Variants in KATNA1 observed in about 807,000 individuals in gnomAD.
KATNA1 encodes katanin catalytic subunit A1, also known as katanin p60 ATPase-containing subunit A1.
A neutral mutation model predicts 62.6 loss-of-function variants in KATNA1; 42 were observed. The observed-to-expected ratio is 0.67, with a 90% CI of 0.52 to 0.87. The LOEUF is 0.87. Ranked by LOEUF, KATNA1 falls within the 40% of genes least tolerant of loss-of-function variation. The pLI is 0.00. For synonymous variants in KATNA1, 186 were observed against 201.9 expected (o/e 0.92, Z 0.67); for missense variants, 498 against 612.5 (o/e 0.81, Z 1.97).
intron 9 of KATNA1, 53 bp from the exon 10 acceptor site, chr6:149,597,242 A>C: frequency 1.9e-6 from 3 of 1,559,132 alleles, no homozygotes; most frequent in Non-Finnish European, 2.6e-6. Flanking sequence ...AACATAGTAT[A>C]CTATTGTCTC....
At chr6:149,599,781 G>A (rs906655736) in intron 7 of KATNA1, among the ~76,000 whole-genome samples, 2 of 152,062 alleles carry the variant, frequency 1.3e-5, no homozygotes, top group Admixed American at 6.6e-5. Flanking sequence ...ACCTCCCAAA[G>A]TGCGGGGATT....
chr6:149,636,142 GT>G (rs1780058269), intron 2 of KATNA1, among the ~76,000 whole-genome samples: 1 of 151,968 alleles, frequency 6.6e-6, no homozygotes, highest in African/African-American at 2.4e-5. Context: ...AGATGATAAT[GT>G]TTTGCTTTAT....
chr6:149,601,872 GACAA>G (rs1778557873), intron 6 of KATNA1, 120 bp from the exon 7 acceptor site: 1 of 611,236 alleles, frequency 1.6e-6, no homozygotes, highest in African/African-American at 1.9e-5. Flanking sequence ...ACAAATAAAA[GACAA>G]ACAGATAAAC....
chr6:149,647,831 T>C (rs755756970), intron 1 of KATNA1, among the ~76,000 whole-genome samples: 44 of 152,210 alleles, frequency 2.9e-4, no homozygotes, highest in Non-Finnish European at 5.6e-4. Flanking sequence ...CCTTCGCGGT[T>C]TTAACAGGAA....
At chr6:149,641,939 G>C (rs1780307210) in intron 1 of KATNA1, among the ~76,000 whole-genome samples, 1 of 152,162 alleles carries the variant, frequency 6.6e-6, no homozygotes, top group African/African-American at 2.4e-5. Flanking sequence ...GTCTCACTCT[G>C]TTGCCCAGGC....
At chr6:149,627,163 C>T (rs775186335) in intron 3 of KATNA1, among the ~76,000 whole-genome samples, 9 of 151,126 alleles carry the variant, frequency 6.0e-5, no homozygotes, top group Non-Finnish European at 7.4e-5. Flanking sequence ...GAGGCTGAGG[C>T]AGGTGGATCA....
At chr6:149,604,806 C>A (rs780850799) in intron 4 of KATNA1, 24 bp from the exon 5 acceptor site, 1 of 1,602,380 alleles carries the variant, frequency 6.2e-7, no homozygotes, top group South Asian at 1.1e-5. Context: ...AAAAAACAAG[C>A]GCTTTTGATT....
At chr6:149,632,564 T>C (rs1779891143) in intron 3 of KATNA1, among the ~76,000 whole-genome samples, 195 bp downstream of exon 3, 1 of 152,188 alleles carries the variant, frequency 6.6e-6, no homozygotes, top group Admixed American at 6.6e-5. Context: ...TTTAAATTAT[T>C]CCTACCTAAA....
Position 149,604,649 on chromosome 6 carries a change from G to T in KATNA1, c.623+12C>A. ...CACCAGCACCCAATTATTTGGTTGT[G>T]ATATAACTTACCATCGAACATTGGG... On this transcript the variant is annotated intron_variant, in intron 5 of 10. Transcript: ENST00000367411. The T allele has an allele frequency of 6.2e-7, 1 of 1,613,352 alleles. No homozygotes were observed. Among genetic ancestry groups the T allele is most frequent in the Non-Finnish European group, 8.5e-7 (1 of 1,179,396 alleles).
chr6:149,601,848 T>C (rs775145590), intron 6 of KATNA1, 96 bp from the exon 7 acceptor site: 3 of 835,654 alleles, frequency 3.6e-6, no homozygotes, highest in Non-Finnish European at 3.4e-6. Flanking sequence ...GACCAACTTA[T>C]ATATAATATC....
chr6:149,640,365 G>A (rs1780231718), intron 1 of KATNA1, among the ~76,000 whole-genome samples: 1 of 151,968 alleles, frequency 6.6e-6, no homozygotes, highest in Non-Finnish European at 1.5e-5. Context: ...GCTGAGGTGG[G>A]AGGATTACCT....
At chr6:149,631,283 C>T (rs1431852550) in intron 3 of KATNA1, among the ~76,000 whole-genome samples, 1 of 152,018 alleles carries the variant, frequency 6.6e-6, no homozygotes, top group Non-Finnish European at 1.5e-5. Flanking sequence ...CCTGTAATTC[C>T]AGCTACTTGG....
chr6:149,624,191 G>C (rs983935742), intron 3 of KATNA1, among the ~76,000 whole-genome samples: 3 of 152,116 alleles, frequency 2.0e-5, no homozygotes. Flanking sequence ...CATGACCTTT[G>C]AGTGTCATGT....
In KATNA1 at chr6:149,605,156, G is replaced by C. The variant is rs371250043; in HGVS notation, c.502-374C>G. Among the ~76,000 whole-genome samples, 31 of 149,914 alleles carry C rather than the reference G, an allele frequency of 2.1e-4. No individual in the cohort carries two copies. In the East Asian group the frequency reaches 6.1e-3, roughly 30 times the overall value. ...CTACTGCACTCCAGCCTGGGTGACA[G>C]ACCGAGACACCAACTCAAAAAAAAA... On this transcript the variant is annotated intron_variant, in intron 4 of 10. Coordinates refer to ENST00000367411, the MANE Select transcript of KATNA1 (RefSeq NM_007044.4).
intron 1 of KATNA1, among the ~76,000 whole-genome samples, chr6:149,648,158 T>C (rs1468081464): frequency 6.6e-6 from 1 of 152,202 alleles, no homozygotes; most frequent in Admixed American, 6.6e-5. Flanking sequence ...GAGCGGGTTC[T>C]GGAGAGAACC....
Position 149,597,155 on chromosome 6 carries a change from T to C in KATNA1, c.1185A>G (p.Leu395=), listed in dbSNP as rs747830834. The part of the protein sequence containing the change: ...KGREELLRIS[L]RELELADDVD... ...CATCATCAGCCAATTCCAACTCACG[T>C]AGACTTATTCGTAATAGCTCCTCCC... is the stretch of plus-strand genomic sequence containing the variant. The change falls in exon 10 of 11, where the codon CTA becomes CTG. Residue 395 remains leucine, a synonymous_variant. Coordinates refer to ENST00000367411, the MANE Select transcript of KATNA1 (RefSeq NM_007044.4). 3.1e-5 allele frequency: 50 copies of C among 1,614,038 alleles called. No individual in the cohort carries two copies. The Middle Eastern group carries it at 6.6e-4, about 21-fold the overall frequency.
chr6:149,595,346 TTACA>T (rs1262063421), intron 10 of KATNA1, 112 bp from the exon 11 acceptor site: 3 of 689,044 alleles, frequency 4.4e-6, no homozygotes, highest in African/African-American at 3.6e-5. Flanking sequence ...TCTAATTATA[TTACA>T]TATATATGTA....
At chr6:149,638,308 T>C in intron 2 of KATNA1, 78 bp downstream of exon 2, 9 of 1,311,256 alleles carry the variant, frequency 6.9e-6, no homozygotes, top group South Asian at 2.6e-5. Context: ...TGTAACTACA[T>C]ACAGCATTGA....
intron 3 of KATNA1, among the ~76,000 whole-genome samples, chr6:149,629,765 G>A (rs1030975543): frequency 6.6e-6 from 1 of 151,988 alleles, no homozygotes; most frequent in Non-Finnish European, 1.5e-5. Flanking sequence ...CTATATATAG[G>A]TTACATACCA....
Sources: gnomAD v4.1 joint callset for allele counts (sites outside exome capture counted in the v4.1 genomes callset) on GRCh38, gnomAD v4.1.1 for gene constraint, MANE v1.5 for transcripts, NCBI Gene and HGNC (gene_info 2026-07-23, HGNC 2026-07-21) for gene names.